The following ITIH4 variants were observed in gnomAD, a reference collection of about 807,000 sequenced individuals.
The protein encoded by ITIH4 is inter-alpha-trypsin inhibitor heavy chain H4.
In ITIH4, 79 loss-of-function variants were observed where a neutral mutation model predicts 111.8. That is an observed-to-expected ratio of 0.71 (90% confidence interval 0.59 to 0.85). The LOEUF is 0.85. Ranked by LOEUF, ITIH4 falls within the 40% of genes least tolerant of loss-of-function variation. The probability of loss-of-function intolerance (pLI) is 0.00; values close to 1 mark genes in which losing one functional copy is unlikely to be tolerated. For synonymous variants in ITIH4, 472 were observed against 468.3 expected, an observed-to-expected ratio of 1.01 and a Z score of -0.10; for missense variants, 1,065 against 1,195.8, an observed-to-expected ratio of 0.89 and a Z score of 1.61.
At chr3:52,818,410 C>T (rs1700316571) in intron 18 of ITIH4, 52 bp downstream of exon 18, 1 of 1,578,208 alleles carries the variant, frequency 6.3e-7, no homozygotes, top group Non-Finnish European at 8.6e-7. Context: ...TGACAGGTCA[C>T]TCCCCTCCCA....
intron 22 of ITIH4, 31 bp from the exon 23 acceptor site, chr3:52,814,102 C>T (rs2154111032): frequency 6.2e-7 from 1 of 1,610,660 alleles, no homozygotes; most frequent in Non-Finnish European, 8.5e-7. Flanking sequence ...CAGTAAGGGT[C>T]AGAGACAGAG....
rs267599898 is a variant in ITIH4, at chr3:52,824,314, C to T, written c.1047G>A (p.Gly349=). The T allele has an allele frequency of 6.2e-7, 1 of 1,612,914 alleles. No homozygotes were observed. The highest frequency in any genetic ancestry group is 8.5e-7 in the Non-Finnish European group (1 of 1,179,190). The change falls in exon 9 of 24, where the codon GGG becomes GGA. Residue 349 remains glycine (G), a splice_region_variant and synonymous_variant. Transcript: ENST00000266041. This position sits in a 1 kb window ranked among gnomAD's most constrained non-coding sequence, Gnocchi z 4.3. ...TCAGCATTGCATCATTGATGTTGGT[C>T]CCTGAGGAACACGCACTCTCAAGGT... ...SFAAGIQALG[G]TNINDAMLMA...
chr3:52,820,795 G>T lies in ITIH4; in HGVS notation c.1680-10C>A. On this transcript the variant is annotated splice_polypyrimidine_tract_variant and intron_variant, in intron 12 of 23. Transcript: ENST00000266041. ...ATCGGATGCGGAGACACTGTAGGTG[G>T]AGCACATCAGAGCTCAGGAGATCCT... 1 of 1,598,474 alleles carries T rather than the reference G, an allele frequency of 6.3e-7. No homozygotes were observed. The highest frequency in any genetic ancestry group is 8.5e-7 in the Non-Finnish European group (1 of 1,170,938).
chr3:52,823,614 G>A lies in ITIH4; in HGVS notation c.1481C>T (p.Ala494Val), dbSNP rs1234053426. 6.2e-7 allele frequency: 1 copy of A among 1,613,930 alleles called. No homozygotes were observed. Among genetic ancestry groups the A allele is most frequent in the Non-Finnish European group, 8.5e-7 (1 of 1,180,016 alleles). The part of the protein sequence containing the change: ...LLFKGSEMVV[A>V]GKLQDRGPDV... ...AGGCCCCCGGTCCTGGAGCTTCCCA[G>A]CCACCACCATCTCTGAGCCCTTGAA... Residue 494 changes from alanine (A) to valine (V), a missense_variant, in exon 11 of 24, where the codon GCT becomes GTT. Physicochemically the swap from Ala to Val is moderately conservative, Grantham distance 64 (BLOSUM62 0). Coordinates refer to ENST00000266041, the MANE Select transcript of ITIH4 (RefSeq NM_002218.5).
rs367848607 is a variant in ITIH4 at position 52,829,236 on chromosome 3, G to A, written c.134C>T (p.Ser45Leu). 4.3e-6 allele frequency: 7 copies of A among 1,613,178 alleles called. No homozygotes were observed. The African/African-American group carries it at 5.3e-5, about 12-fold the overall frequency. ...IYSLTVDSRV[S>L]SRFAHTVVTS... The stretch of plus-strand genomic sequence containing the variant: ...GACGACCGTGTGGGCAAATCGGGAT[G>A]AGACCCTGGAGTCCACGGTGAGGCT... The change falls in exon 2 of 24, where the codon TCA (serine) becomes TTA (leucine). Residue 45 changes from serine to leucine, a missense_variant. By Grantham distance (145) the Ser-to-Leu change is moderately radical. Coordinates refer to ENST00000266041, the MANE Select transcript of ITIH4 (RefSeq NM_002218.5).
chr3:52,823,382 G>C (rs946912880), intron 11 of ITIH4, 174 bp downstream of exon 11: 14 of 613,018 alleles, frequency 2.3e-5, no homozygotes, highest in African/African-American at 2.0e-4. Context: ...TGTATGTGCT[G>C]GTCTCATGAG....
Position 52,813,634 on chromosome 3 carries a change from G to C in ITIH4, c.2724-144C>G. 3 of 741,586 alleles carry C rather than the reference G, an allele frequency of 4.0e-6. No homozygotes were observed. The South Asian group carries it at 4.9e-5, about 12-fold the overall frequency. 45.9% of individuals were successfully genotyped at this position (741,586 alleles called of 1,614,324 possible). The stretch of plus-strand genomic sequence containing the variant: ...AATTCCCTCCAGCATAGGCCAACAA[G>C]GCCCAGTCACCCAGAGCATTACCCT... On this transcript the variant is annotated intron_variant, in intron 23 of 23. Transcript: ENST00000266041.
Position 52,820,753 on chromosome 3 carries a change from A to C in ITIH4, c.1712T>G (p.Leu571Arg), listed in dbSNP as rs1215911531. 1.2e-6 allele frequency: 2 copies of C among 1,613,802 alleles called. No individual in the cohort carries two copies. The highest frequency in any genetic ancestry group is 2.2e-5 in the South Asian group (2 of 91,028). The change falls in exon 13 of 24, where the codon CTC becomes CGC. Residue 571 changes from leucine to arginine, a missense_variant. Physicochemically the swap from Leu to Arg is moderately radical, Grantham distance 102 (BLOSUM62 -2). Transcript: ENST00000266041. ...VSASDADQQA[L>R]RNQALNLSLA... ...TGATAAATTCAGCGCTTGGTTCCGG[A>C]GGGCCTGCTGATCAGCATCGGATGC...
At position 52,823,549 on chromosome 3, in the gene ITIH4, C is replaced by T; in HGVS notation, c.1539+7G>A. On this transcript the variant is annotated splice_region_variant and intron_variant, in intron 11 of 23. Transcript: ENST00000266041. ...TTCCCCTCCAGGGTGGCTTTGGCCA[C>T]ACTCACCAGCTTCCCACTGACTGTG... The T allele has an allele frequency of 6.3e-7, 1 of 1,594,978 alleles. No individual in the cohort carries two copies. The highest frequency in any genetic ancestry group is 1.1e-5 in the South Asian group (1 of 89,308).
chr3:52,827,272 C>T, intron 2 of ITIH4, 75 bp from the exon 3 acceptor site: 2 of 1,172,794 alleles, frequency 1.7e-6, no homozygotes, highest in Admixed American at 3.4e-5. Context: ...CTCCAGAGAG[C>T]CTTTCTGGAC....
In ITIH4 at chr3:52,819,925, C is replaced by T. The variant is rs1394678320; in HGVS notation, c.1912+15G>A. 6.2e-7 allele frequency: 1 copy of T among 1,613,214 alleles called. No homozygotes were observed. The highest frequency in any genetic ancestry group is 8.5e-7 in the Non-Finnish European group (1 of 1,179,126). ...ATCTGTCAATCTCCCCTCCCCCCACCTCCTACTTTGTCACCTGGTTTTGGT... is the reference window on the plus strand; with the variant it reads ...ATCTGTCAATCTCCCCTCCCCCCACTTCCTACTTTGTCACCTGGTTTTGGT... On this transcript the variant is annotated intron_variant, in intron 15 of 23. Coordinates refer to ENST00000266041, the MANE Select transcript of ITIH4 (RefSeq NM_002218.5).
At chr3:52,816,610 G>T (rs560252629) in intron 21 of ITIH4, among the ~76,000 whole-genome samples, 1 of 152,298 alleles carries the variant, frequency 6.6e-6, no homozygotes, top group South Asian at 2.1e-4. Flanking sequence ...GGACTTAGCT[G>T]CCTGCCCAGG....
chr3:52,818,028 T>G, intron 20 of ITIH4, 24 bp downstream of exon 20: 1 of 1,561,798 alleles, frequency 6.4e-7, no homozygotes, highest in Admixed American at 1.7e-5. Flanking sequence ...GGTGTCTGGG[T>G]CTCTCTGGGT....
chr3:52,817,013 G>A lies in ITIH4; in HGVS notation c.2342C>T (p.Ser781Leu). Reference sequence around the variant, plus strand: ...GTTCTTGAAGGTCACTTCGATCCATGAGAACCCAGCCTTCTCCCTCTCATA... The same window carrying A: ...GTTCTTGAAGGTCACTTCGATCCATAAGAACCCAGCCTTCTCCCTCTCATA... Reference protein sequence around the residue: ...GQYEREKAGFSWIEVTFKNPL... With the variant: ...GQYEREKAGFLWIEVTFKNPL... The change falls in exon 21 of 24, where the codon TCA (serine) becomes TTA (leucine). Residue 781 changes from serine to leucine, a missense_variant. Coordinates refer to ENST00000266041, the MANE Select transcript of ITIH4 (RefSeq NM_002218.5). The A allele has an allele frequency of 6.2e-7, 1 of 1,613,906 alleles. No individual in the cohort carries two copies. Among genetic ancestry groups the A allele is most frequent in the Non-Finnish European group, 8.5e-7 (1 of 1,179,922 alleles).
At chr3:52,817,985 G>C in intron 20 of ITIH4, 67 bp downstream of exon 20, 2 of 1,216,856 alleles carry the variant, frequency 1.6e-6, no homozygotes, top group Non-Finnish European at 2.4e-6. Flanking sequence ...CGCTGTGTGT[G>C]TCTCTGTAGG....
chr3:52,813,138 G>T lies in ITIH4; in HGVS notation c.*283C>A, dbSNP rs935147458. The T allele has an allele frequency of 4.7e-5, 20 of 423,798 alleles. No individual in the cohort carries two copies. Among genetic ancestry groups the T allele is most frequent in the Non-Finnish European group, 8.0e-5 (19 of 236,750 alleles). The allele number at this position is 423,798 out of a possible 1,614,324, so 26.3% of individuals were successfully genotyped here. A position where few individuals can be genotyped will look rare whatever the true frequency, so the allele number is the denominator to read the frequency against. ...GTTTCCTTGTTTGTAAAATGAAGGG[G>T]CTGGACTGAAAGCTCAGCATGGGCC... is the stretch of plus-strand genomic sequence containing the variant. On this transcript the variant is annotated 3_prime_UTR_variant, in exon 24 of 24. Coordinates refer to ENST00000266041, the MANE Select transcript of ITIH4 (RefSeq NM_002218.5).
In ITIH4 at chr3:52,813,092, C is replaced by T. The variant is rs2154110981; in HGVS notation, c.*329G>A. 3.9e-6 allele frequency: 1 copy of T among 254,690 alleles called. No homozygotes were observed. The allele number at this position is 254,690 out of a possible 1,614,324, so 15.8% of individuals were successfully genotyped here. ...CTAGCTGGGGGCCACAGTGACATCT[C>T]AAATGGGTGGTTCGAGCTCAGTTTC... On this transcript the variant is annotated 3_prime_UTR_variant, in exon 24 of 24. Transcript: ENST00000266041.
intron 10 of ITIH4, 22 bp downstream of exon 10, chr3:52,823,801 C>T (rs1303432108): frequency 1.5e-5 from 24 of 1,613,636 alleles, no homozygotes; most frequent in Non-Finnish European, 1.9e-5. Context: ...CTCTGTGCAG[C>T]CCACCTGGGG....
chr3:52,818,275 T>C lies in ITIH4; in HGVS notation c.2161A>G (p.Met721Val), dbSNP rs1391443901. The change falls in exon 19 of 24, where the codon ATG becomes GTG. Residue 721 changes from methionine (M) to valine (V), a missense_variant. Transcript: ENST00000266041. ...VMNMKIEETT[M>V]TTQTPAPIQA... ...AACTTACCTGGGGTTTGGGTTGTCA[T>C]GGTTGTTTCTAAAAGAAGAAAAAGT... 3.2e-6 allele frequency: 5 copies of C among 1,578,660 alleles called. No individual in the cohort carries two copies. The highest frequency in any genetic ancestry group is 4.3e-6 in the Non-Finnish European group (5 of 1,163,756).
Sources: allele counts gnomAD v4.1 joint callset (sites outside exome capture counted in the v4.1 genomes callset), GRCh38; gene constraint gnomAD v4.1.1; non-coding constraint Gnocchi (gnomAD v3.1); transcripts MANE v1.5; gene names NCBI Gene and HGNC (gene_info 2026-07-23, HGNC 2026-07-21).